Variants in EMCN observed in about 807,000 individuals in gnomAD.
The protein encoded by EMCN is MUC-14.
EMCN carries 37 observed loss-of-function variants against 38.4 expected under a neutral mutation model. The observed-to-expected ratio is 0.96, with a 90% CI of 0.74 to 1.27. The LOEUF (loss-of-function observed/expected upper bound fraction) is 1.27, where lower values mean the gene tolerates loss of function less well. Ranked by LOEUF, EMCN falls within the 50% of genes most tolerant of loss-of-function variation. The probability of loss-of-function intolerance (pLI) is 0.00; values close to 1 mark genes in which losing one functional copy is unlikely to be tolerated. For missense variants in EMCN, 318 were observed against 302.8 expected, an observed-to-expected ratio of 1.05 and a Z score of -0.37; for synonymous variants, 95 against 100.8, an observed-to-expected ratio of 0.94 and a Z score of 0.35.
chr4:100,467,342 T>C (rs1289039800), intron 3 of EMCN, among the ~76,000 whole-genome samples: 1 of 152,164 alleles, frequency 6.6e-6, no homozygotes, highest in African/African-American at 2.4e-5. Context: ...AATCCTAGTC[T>C]CAGGAGAGAA....
intron 1 of EMCN, among the ~76,000 whole-genome samples, chr4:100,509,957 C>T (rs928288899): frequency 1.3e-5 from 2 of 152,126 alleles, no homozygotes; most frequent in Non-Finnish European, 2.9e-5. Flanking sequence ...TGGGTATTCC[C>T]ATTGTCATGT....
intron 10 of EMCN, 87 bp downstream of exon 10, chr4:100,415,811 T>C (rs1481239900): frequency 2.0e-5 from 18 of 890,630 alleles, no homozygotes; most frequent in Non-Finnish European, 3.1e-5. Context: ...AGGCCTTTTG[T>C]TTATGTTTCA....
chr4:100,430,316 A>T (rs1261421213), intron 5 of EMCN, among the ~76,000 whole-genome samples: 1 of 152,164 alleles, frequency 6.6e-6, no homozygotes, highest in Non-Finnish European at 1.5e-5. Flanking sequence ...ATCAACCCCA[A>T]AATTATGCTG....
intron 1 of EMCN, among the ~76,000 whole-genome samples, chr4:100,486,537 T>G (rs1171079331): frequency 1.3e-5 from 2 of 152,222 alleles, no homozygotes; most frequent in Non-Finnish European, 2.9e-5. Flanking sequence ...CTATATGAAA[T>G]GACTTTGGAA....
chr4:100,424,235 C>T (rs1726981886), intron 5 of EMCN, among the ~76,000 whole-genome samples: 1 of 152,016 alleles, frequency 6.6e-6, no homozygotes, highest in South Asian at 2.1e-4. Context: ...ACAATTTGTA[C>T]TTAGAAAACT....
chr4:100,459,620 C>G (rs995190575), intron 4 of EMCN, among the ~76,000 whole-genome samples: 1 of 152,120 alleles, frequency 6.6e-6, no homozygotes, highest in Non-Finnish European at 1.5e-5. Flanking sequence ...CCATTCTACT[C>G]TCTATCTCTA....
chr4:100,498,509 G>T (rs13124188), intron 1 of EMCN, among the ~76,000 whole-genome samples: 3 of 149,316 alleles, frequency 2.0e-5, no homozygotes, highest in Non-Finnish European at 4.4e-5. Context: ...TTTTTTAGAC[G>T]GAGTCTCGCT....
chr4:100,411,965 T>G (rs942710232), intron 10 of EMCN, among the ~76,000 whole-genome samples: 1 of 152,186 alleles, frequency 6.6e-6, no homozygotes, highest in Non-Finnish European at 1.5e-5. Flanking sequence ...TTTTTGTTGT[T>G]AATGAACTTT....
Position 100,450,346 on chromosome 4 carries a change from C to A in EMCN, c.377-2775G>T, listed in dbSNP as rs116614742. On this transcript the variant is annotated intron_variant, in intron 4 of 11. Transcript: ENST00000296420. ...TGAAATGCTAATCACATTAATCCAA[C>A]GTTAAACTTTGCTCAAGCATTTAGT... Among the ~76,000 whole-genome samples the A allele has an allele frequency of 4.7e-3, 713 of 152,056 alleles. 7 individuals carry two copies. The highest frequency in any genetic ancestry group is 0.016 in the African/African-American group (679 of 41,538).
chr4:100,423,162 A>C (rs1418007476), intron 6 of EMCN, 82 bp from the exon 7 acceptor site: 1 of 1,440,298 alleles, frequency 6.9e-7, no homozygotes, highest in East Asian at 2.3e-5. Flanking sequence ...ATTTAAGGAA[A>C]CAGCCATGAT....
rs140435384 is a variant in EMCN, at chr4:100,429,792, T to C, written c.416-6388A>G. On this transcript the variant is annotated intron_variant, in intron 5 of 11. Transcript: ENST00000296420. ...TGCTAATTAATTCCATATGTGCTAA[T>C]TTATTTTATTCTTAAGCAAATATTT... 8.1e-3 allele frequency among the ~76,000 whole-genome samples: 1,236 copies of C among 152,288 alleles called. 25 individuals carry two copies. Among genetic ancestry groups the C allele is most frequent in the African/African-American group, 0.029 (1,186 of 41,582 alleles).
At chr4:100,510,625 C>T (rs1729603832) in intron 1 of EMCN, among the ~76,000 whole-genome samples, 1 of 152,124 alleles carries the variant, frequency 6.6e-6, no homozygotes, top group Admixed American at 6.5e-5. Flanking sequence ...CTTCCAATAT[C>T]CCTATGAGGT....
intron 4 of EMCN, among the ~76,000 whole-genome samples, chr4:100,454,238 CAA>C (rs397879572): frequency 4.4e-4 from 55 of 124,440 alleles, no homozygotes; most frequent in Non-Finnish European, 5.2e-4. Context: ...AAGCCATTAG[CAA>C]AAAAAAAAAA....
At chr4:100,483,121 C>T (rs962989556) in intron 1 of EMCN, among the ~76,000 whole-genome samples, 1 of 152,098 alleles carries the variant, frequency 6.6e-6, no homozygotes, top group African/African-American at 2.4e-5. Flanking sequence ...CCTAAAAGTA[C>T]TGAGTGTGCC....
intron 1 of EMCN, among the ~76,000 whole-genome samples, chr4:100,499,246 T>A (rs1291184092): frequency 2.6e-5 from 4 of 152,202 alleles, no homozygotes; most frequent in Non-Finnish European, 4.4e-5. Flanking sequence ...ACTCTATTAT[T>A]AATTGAAAAT....
At chr4:100,446,699 C>T (rs1304754371) in intron 5 of EMCN, among the ~76,000 whole-genome samples, 3 of 151,984 alleles carry the variant, frequency 2.0e-5, no homozygotes, top group Admixed American at 6.6e-5. Context: ...GGTATTAAGC[C>T]TAGTACCCAA....
intron 1 of EMCN, among the ~76,000 whole-genome samples, chr4:100,508,255 A>G (rs1729533836): frequency 6.6e-6 from 1 of 152,318 alleles, no homozygotes; most frequent in African/African-American, 2.4e-5. Context: ...TAACTAACCC[A>G]AGTGCTCTTG....
chr4:100,485,813 C>A (rs1451352258), intron 1 of EMCN, among the ~76,000 whole-genome samples: 1 of 151,914 alleles, frequency 6.6e-6, no homozygotes, highest in Non-Finnish European at 1.5e-5. Context: ...TTAAATGCAG[C>A]AAATTTTTTC....
intron 1 of EMCN, among the ~76,000 whole-genome samples, chr4:100,486,376 G>T (rs1728942303): frequency 6.6e-6 from 1 of 152,144 alleles, no homozygotes; most frequent in Non-Finnish European, 1.5e-5. Flanking sequence ...TAATATTTTG[G>T]GAGGGGAAAT....
Sources: gnomAD v4.1 joint callset for allele counts (sites outside exome capture counted in the v4.1 genomes callset) on GRCh38, gnomAD v4.1.1 for gene constraint, MANE v1.5 for transcripts, NCBI Gene and HGNC (gene_info 2026-07-23, HGNC 2026-07-21) for gene names.